The following NEB variants were observed in gnomAD, a reference collection of about 807,000 sequenced individuals.
The protein encoded by NEB is nebulin, also known as nemaline myopathy type 2.
NEB carries 512 observed loss-of-function variants against 952.2 expected under a neutral mutation model. The observed-to-expected ratio is 0.54, with a 90% confidence interval of 0.50 to 0.58. The LOEUF is 0.58. Among genes scored for constraint, NEB ranks in the 20% least tolerant of loss-of-function variants. NEB has a pLI of 0.00. For synonymous variants in NEB, 2,900 were observed against 3,149.8 expected (o/e 0.92, Z 2.66); for missense variants, 8,428 against 9,231.1 (o/e 0.91, Z 3.56).
intron 54 of NEB, among the ~76,000 whole-genome samples, chr2:151,648,309 G>A (rs1438998498): frequency 6.6e-6 from 1 of 152,118 alleles, no homozygotes; most frequent in Non-Finnish European, 1.5e-5. Context: ...GCACATGTTT[G>A]TTATGGTGCA....
intron 145 of NEB, 185 bp downstream of exon 145, chr2:151,530,809 A>C: frequency 1.9e-6 from 1 of 520,862 alleles, no homozygotes; most frequent in South Asian, 3.1e-5. Context: ...CAACATGGGG[A>C]GCAGGACTGT....
chr2:151,687,463 G>A lies in NEB; in HGVS notation c.2593C>T (p.Pro865Ser), dbSNP rs751373246. 3 of 1,613,944 alleles carry A rather than the reference G, an allele frequency of 1.9e-6. No individual in the cohort carries two copies. In the South Asian group the frequency reaches 3.3e-5, roughly 18 times the overall value. The change falls in exon 27 of 182, where the codon CCA (proline) becomes TCA (serine). Residue 865 changes from proline to serine, a missense_variant. Around this residue, in one of 11 missense-constraint regions of NEB, gnomAD observed 2,851 missense variants for 2,791.5 expected, o/e 1.02. Coordinates refer to ENST00000397345, the MANE Select transcript of NEB (RefSeq NM_001164508.2). ...GTCTTCAAGGAGTGCAGCATCTTTG[G>A]ATCGTCATTAATGCTGAGGGCTCCA... is the stretch of plus-strand genomic sequence containing the variant. The part of the protein sequence containing the change: ...MIGALSINDD[P>S]KMLHSLKTAK...
intron 34 of NEB, 31 bp downstream of exon 34, chr2:151,677,534 T>A (rs1264249337): frequency 1.3e-6 from 2 of 1,528,334 alleles, no homozygotes; most frequent in Admixed American, 1.9e-5. Flanking sequence ...TTCCTCCATA[T>A]CCTCTGTCCT....
chr2:151,633,999 G>A (rs748268365), intron 64 of NEB, 34 bp from the exon 65 acceptor site: 2 of 1,596,100 alleles, frequency 1.3e-6, no homozygotes, highest in Non-Finnish European at 1.7e-6. Context: ...GGTTTTTATT[G>A]TAACCCCTTA....
At chr2:151,613,478 C>A (rs1579330986) in intron 77 of NEB, among the ~76,000 whole-genome samples, 1 of 152,308 alleles carries the variant, frequency 6.6e-6, no homozygotes, top group South Asian at 2.1e-4. Flanking sequence ...TAACCTCTAA[C>A]TGAAATATAG....
intron 45 of NEB, among the ~76,000 whole-genome samples, chr2:151,663,044 T>C (rs939153293): frequency 1.3e-5 from 2 of 152,232 alleles, no homozygotes; most frequent in African/African-American, 4.8e-5. Flanking sequence ...TTCTTGGCTC[T>C]ATTCTTTCTC....
Position 151,549,652 on chromosome 2 carries a change from C to T in NEB, c.20033G>A (p.Arg6678His), listed in dbSNP as rs1487589344. 3.1e-5 allele frequency: 50 copies of T among 1,597,900 alleles called. No individual in the cohort carries two copies. The highest frequency in any genetic ancestry group is 6.9e-5 in the Admixed American group (4 of 57,986). Residue 6678 changes from arginine (R) to histidine (H), a missense_variant, in exon 130 of 182, where the codon CGT becomes CAT. By Grantham distance (29) the Arg-to-His change is conservative. Around this residue, in one of 11 missense-constraint regions of NEB, gnomAD observed 3,374 missense variants for 3,651.5 expected, o/e 0.92. Coordinates refer to ENST00000397345, the MANE Select transcript of NEB (RefSeq NM_001164508.2). ...ACCACTCACATAACTGCTCATGTAA[C>T]GGGTGTCCTTGATGTGTTTGAAGTG... is the stretch of plus-strand genomic sequence containing the variant. ...TPHFKHIKDT[R>H]YMSSYFKYKE...
intron 114 of NEB, among the ~76,000 whole-genome samples, chr2:151,566,167 G>A (rs530701650): frequency 6.6e-6 from 1 of 152,162 alleles, no homozygotes; most frequent in Non-Finnish European, 1.5e-5. Flanking sequence ...TACCAAGGAG[G>A]TTGTACTTTT....
intron 161 of NEB, among the ~76,000 whole-genome samples, chr2:151,510,904 A>T (rs2073728799): frequency 6.6e-6 from 1 of 152,254 alleles, no homozygotes; most frequent in Non-Finnish European, 1.5e-5. Context: ...TTATAAATAC[A>T]GATTCTCCAT....
At position 151,663,812 on chromosome 2, in the gene NEB, G is replaced by A. The variant is rs2154172803; in HGVS notation, c.5499C>T (p.Gly1833=). 1 of 1,613,842 alleles carries A rather than the reference G, an allele frequency of 6.2e-7. No individual in the cohort carries two copies. Among genetic ancestry groups the A allele is most frequent in the Non-Finnish European group, 8.5e-7 (1 of 1,179,758 alleles). ...AYEQAKGKHI[G]FRSLEDDPKL... ...TGGGGTCATCTTCCAGGCTCCGGAA[G>A]CCAATGTGTTTCCCTTTGGCTTGTT... is the stretch of plus-strand genomic sequence containing the variant. The change falls in exon 45 of 182, where the codon GGC becomes GGT. Residue 1833 remains glycine (G), a synonymous_variant. Transcript: ENST00000397345.
chr2:151,645,401 A>G (rs1274259282), intron 55 of NEB, among the ~76,000 whole-genome samples: 1 of 152,238 alleles, frequency 6.6e-6, no homozygotes, highest in Non-Finnish European at 1.5e-5. Context: ...AGTCCACCAT[A>G]ATTTCTAAAA....
chr2:151,541,555 G>C lies in NEB; in HGVS notation c.20578-4C>G, dbSNP rs1658782605. The C allele has an allele frequency of 1.2e-6, 2 of 1,608,916 alleles. No homozygotes were observed. Among genetic ancestry groups the C allele is most frequent in the African/African-American group, 1.3e-5 (1 of 74,850 alleles). On this transcript the variant is annotated splice_polypyrimidine_tract_variant and splice_region_variant and intron_variant, in intron 135 of 181. Coordinates refer to ENST00000397345, the MANE Select transcript of NEB (RefSeq NM_001164508.2). The stretch of plus-strand genomic sequence containing the variant: ...TGCCTGCAGCTCTGTAGACCAGCTA[G>C]ACATAAACCAAGTTATCACCATCAT...
At chr2:151,541,351 C>T in intron 136 of NEB, 96 bp downstream of exon 136, 2 of 842,108 alleles carry the variant, frequency 2.4e-6, no homozygotes, top group Non-Finnish European at 3.8e-6. Context: ...CCAGGACAAC[C>T]AAGTGTGTGA....
Position 151,561,330 on chromosome 2 carries a change from A to C in NEB, c.18997-18T>G, listed in dbSNP as rs984292629. ...TATTGTAGCTGTGAAGAAAAACAAA[A>C]GTCATCAAAAATGGTAACATACAGG... is the stretch of plus-strand genomic sequence containing the variant. On this transcript the variant is annotated intron_variant, in intron 121 of 181. Transcript: ENST00000397345. 2 of 1,540,974 alleles carry C rather than the reference A, an allele frequency of 1.3e-6. No individual in the cohort carries two copies. Among genetic ancestry groups the C allele is most frequent in the Non-Finnish European group, 1.8e-6 (2 of 1,133,632 alleles).
chr2:151,612,239 T>C lies in NEB; in HGVS notation c.11752A>G (p.Thr3918Ala), dbSNP rs772221624. The change falls in exon 78 of 182, where the codon ACC (threonine) becomes GCC (alanine). Residue 3918 changes from threonine to alanine, a missense_variant. Transcript: ENST00000397345. ...GCTAGGACAATTTCCGGAGTGTCGG[T>C]AATGCATGTGAATTTGAGCTGGTCT... is the stretch of plus-strand genomic sequence containing the variant. ...PADQLKFTCI[T>A]DTPEIVLAKN... 5 of 1,613,744 alleles carry C rather than the reference T, an allele frequency of 3.1e-6. No homozygotes were observed. The highest frequency in any genetic ancestry group is 1.7e-5 in the Admixed American group (1 of 59,986).
At position 151,492,401 on chromosome 2, in the gene NEB, G is replaced by C. The variant is rs200804762; in HGVS notation, c.24859C>G (p.Arg8287Gly). 1.9e-6 allele frequency: 3 copies of C among 1,604,562 alleles called. No homozygotes were observed. The highest frequency in any genetic ancestry group is 2.6e-6 in the Non-Finnish European group (3 of 1,175,246). The change falls in exon 177 of 182, where the codon CGG becomes GGG. Residue 8287 changes from arginine (R) to glycine (G), a missense_variant. Physicochemically the swap from Arg to Gly is moderately radical, Grantham distance 125. Transcript: ENST00000397345. ...PEMRRVRETQ[R>G]HISTVKYHED... is the part of the protein sequence containing the mutation. ...TCCTGACTCACCGTTGAGATGTGCC[G>C]TTGGGTCTCCCTCACCCGTCTCATC...
In NEB at chr2:151,658,042, G is replaced by A; in HGVS notation, c.6124C>T (p.Leu2042Phe). 3 of 1,611,018 alleles carry A rather than the reference G, an allele frequency of 1.9e-6. 1 individual carries two copies. The highest frequency in any genetic ancestry group is 2.2e-5 in the South Asian group (2 of 90,526). Residue 2042 changes from leucine to phenylalanine, a missense_variant, in exon 48 of 182, where the codon CTC becomes TTC. Coordinates refer to ENST00000397345, the MANE Select transcript of NEB (RefSeq NM_001164508.2). ...LEESKKKGYD[L>F]RPDAIPIKAA... ...TTGATAGGAATTGCATCAGGTCTGAGATCATAGCCTTTCTTTTTAGACTCT... is the reference window on the plus strand; with the variant it reads ...TTGATAGGAATTGCATCAGGTCTGAAATCATAGCCTTTCTTTTTAGACTCT...
chr2:151,680,586 T>C (rs1356067102), intron 30 of NEB, 144 bp downstream of exon 30: 7 of 579,840 alleles, frequency 1.2e-5, no homozygotes, highest in African/African-American at 1.9e-5. Flanking sequence ...GCTTTATTAA[T>C]GAACAGCTGG....
intron 13 of NEB, 64 bp downstream of exon 13, chr2:151,706,817 A>T: frequency 8.5e-7 from 1 of 1,171,098 alleles, no homozygotes; most frequent in Non-Finnish European, 1.2e-6. Flanking sequence ...TAGTCATTAA[A>T]GGAGAAAATT....
Sources: allele counts gnomAD v4.1 joint callset (sites outside exome capture counted in the v4.1 genomes callset), GRCh38; gene constraint gnomAD v4.1.1; regional missense constraint gnomAD v4.1.1; transcripts MANE v1.5; gene names NCBI Gene and HGNC (gene_info 2026-07-23, HGNC 2026-07-21).